Variants in FARS2 observed in about 807,000 individuals in gnomAD.
FARS2 encodes the protein phenylalanyl-tRNA synthetase 2, mitochondrial, also known as phenylalanine--tRNA ligase, mitochondrial.
FARS2 carries 40 observed loss-of-function variants against 46.4 expected under a neutral mutation model. The observed-to-expected ratio is 0.86, with a 90% CI of 0.67 to 1.12. The LOEUF (loss-of-function observed/expected upper bound fraction) is 1.12. Among genes scored for constraint, FARS2 ranks in the 50% most tolerant of loss-of-function variants. The probability of loss-of-function intolerance (pLI) is 0.00; values close to 1 mark genes in which losing one functional copy is unlikely to be tolerated. For synonymous variants in FARS2, 234 were observed against 214.9 expected (o/e 1.09, Z -0.78); for missense variants, 513 against 567.9 (o/e 0.90, Z 0.98).
At chr6:5,436,906 T>G (rs1241839562) in intron 4 of FARS2, among the ~76,000 whole-genome samples, 2 of 152,242 alleles carry the variant, frequency 1.3e-5, no homozygotes, top group East Asian at 1.9e-4. Flanking sequence ...CCAATTTTTT[T>G]GGGATATAAT....
intron 6 of FARS2, among the ~76,000 whole-genome samples, chr6:5,677,674 G>A (rs1298833485): frequency 1.3e-5 from 2 of 152,220 alleles, no homozygotes; most frequent in East Asian, 3.8e-4. Flanking sequence ...GCAAGGGGCT[G>A]TAGTCAAAGA....
At chr6:5,571,756 T>C (rs1317750380) in intron 5 of FARS2, among the ~76,000 whole-genome samples, 1 of 152,222 alleles carries the variant, frequency 6.6e-6, no homozygotes, top group Non-Finnish European at 1.5e-5. Flanking sequence ...GCCACCTTTC[T>C]TTTATCAGAA....
chr6:5,269,082 C>G (rs540498007), intron 1 of FARS2, among the ~76,000 whole-genome samples: 122 of 152,286 alleles, frequency 8.0e-4, no homozygotes, highest in African/African-American at 2.8e-3. Flanking sequence ...AGACTTGGAA[C>G]CAACCCAAAT....
At position 5,741,634 on chromosome 6, in the gene FARS2, A is replaced by G. The variant is rs967066881; in HGVS notation, c.1218-29657A>G. On this transcript the variant is annotated intron_variant, in intron 6 of 6. Transcript: ENST00000274680. Reference sequence around the variant, plus strand: ...CCTCCTGGCCTGGCTGCGCTGAAGGACTTCTTTTTGTTTTTTCCTGTTGTT... The same window carrying G: ...CCTCCTGGCCTGGCTGCGCTGAAGGGCTTCTTTTTGTTTTTTCCTGTTGTT... 1.1e-4 allele frequency among the ~76,000 whole-genome samples: 17 copies of G among 152,070 alleles called. 1 individual carries two copies. Among genetic ancestry groups the G allele is most frequent in the Admixed American group, 9.2e-4 (14 of 15,280 alleles).
At chr6:5,428,013 T>C (rs1762944851) in intron 3 of FARS2, among the ~76,000 whole-genome samples, 1 of 152,232 alleles carries the variant, frequency 6.6e-6, no homozygotes, top group South Asian at 2.1e-4. Context: ...TATCCTTGTG[T>C]TGTGCTGACG....
chr6:5,502,655 C>T (rs1459605034), intron 4 of FARS2, among the ~76,000 whole-genome samples: 2 of 152,186 alleles, frequency 1.3e-5, no homozygotes, highest in South Asian at 2.1e-4. Context: ...AAACACAATG[C>T]AGCATTTTTG....
At chr6:5,362,858 C>T (rs538618045) in intron 1 of FARS2, among the ~76,000 whole-genome samples, 19 of 151,596 alleles carry the variant, frequency 1.3e-4, no homozygotes, top group African/African-American at 4.4e-4. Context: ...TTTCACATAC[C>T]TATTGACCAT....
At chr6:5,458,530 T>C (rs1765043863) in intron 4 of FARS2, among the ~76,000 whole-genome samples, 1 of 152,126 alleles carries the variant, frequency 6.6e-6, no homozygotes, top group Non-Finnish European at 1.5e-5. Flanking sequence ...AGTGAATTAT[T>C]AAGAGCATAA....
intron 6 of FARS2, among the ~76,000 whole-genome samples, chr6:5,684,519 G>C (rs1757030561): frequency 6.6e-6 from 1 of 152,174 alleles, no homozygotes; most frequent in African/African-American, 2.4e-5. Context: ...GTTAGCAAAT[G>C]CTGCGCTTTA....
chr6:5,277,852 C>T (rs1310989390), intron 1 of FARS2, among the ~76,000 whole-genome samples: 1 of 152,146 alleles, frequency 6.6e-6, no homozygotes, highest in Non-Finnish European at 1.5e-5. Flanking sequence ...TCCATTTTCA[C>T]TGCCCCCGAC....
Position 5,292,436 on chromosome 6 carries a change from G to C in FARS2, c.-22+30776G>C, listed in dbSNP as rs150253425. On this transcript the variant is annotated intron_variant, in intron 1 of 6. Coordinates refer to ENST00000274680, the MANE Select transcript of FARS2 (RefSeq NM_006567.5). ...ATGAAGTCTTGAACTGTCAGCAATA[G>C]ACAAAATGGAGAGATGGACAAATGC... Among the ~76,000 whole-genome samples, 636 of 152,290 alleles carry C rather than the reference G, an allele frequency of 4.2e-3. 1 individual carries two copies. The highest frequency in any genetic ancestry group is 0.014 in the African/African-American group (600 of 41,550).
intron 4 of FARS2, among the ~76,000 whole-genome samples, chr6:5,524,057 A>G (rs751835428): frequency 3.7e-4 from 57 of 152,350 alleles, no homozygotes; most frequent in African/African-American, 1.2e-3. Flanking sequence ...ACTGTTTCAC[A>G]GTCTGCCCAG....
At chr6:5,500,059 G>A (rs566393919) in intron 4 of FARS2, among the ~76,000 whole-genome samples, 1 of 152,312 alleles carries the variant, frequency 6.6e-6, no homozygotes, top group East Asian at 1.9e-4. Context: ...TTCCAAATGT[G>A]TTGTTTTATG....
intron 2 of FARS2, among the ~76,000 whole-genome samples, chr6:5,386,284 G>A (rs59355030): frequency 0.021 from 3,137 of 152,318 alleles, 51 homozygotes; most frequent in East Asian, 0.063. Context: ...CCCGGAATGT[G>A]TAGTGTGGAG....
At chr6:5,692,756 A>G (rs760674) in intron 6 of FARS2, among the ~76,000 whole-genome samples, 145,830 of 152,338 alleles carry the variant, frequency 0.96, 69,876 homozygotes, top group African/African-American at 0.99. Context: ...TGAATTTGTA[A>G]CCTGTGAACA....
intron 1 of FARS2, among the ~76,000 whole-genome samples, chr6:5,269,676 A>T (rs2127821359): frequency 6.6e-6 from 1 of 152,302 alleles, no homozygotes; most frequent in East Asian, 1.9e-4. Flanking sequence ...GAGTCTGTTT[A>T]CAAAAAACAG....
rs573491835 is a variant in FARS2, at chr6:5,546,283, A to G, written c.1065+943A>G. ...TTTTTTTTTTTTTTTTTTAGACAGA[A>G]TCTCACTCTGTCGCCTGGGCTGGAG... On this transcript the variant is annotated intron_variant, in intron 5 of 6. Coordinates refer to ENST00000274680, the MANE Select transcript of FARS2 (RefSeq NM_006567.5). Among the ~76,000 whole-genome samples, 167 of 142,176 alleles carry G rather than the reference A, an allele frequency of 1.2e-3. 1 individual carries two copies. In the South Asian group the frequency reaches 0.017, roughly 14 times the overall value. 93.3% of individuals were successfully genotyped at this position (142,176 alleles called of 152,430 possible). A position where few individuals can be genotyped will look rare whatever the true frequency, so the allele number is the denominator to read the frequency against.
chr6:5,505,018 G>T (rs1301901291), intron 4 of FARS2, among the ~76,000 whole-genome samples: 5 of 152,106 alleles, frequency 3.3e-5, no homozygotes, highest in African/African-American at 4.8e-5. Flanking sequence ...TTCTGAATAA[G>T]AGTGATTATA....
intron 6 of FARS2, among the ~76,000 whole-genome samples, chr6:5,642,592 GGAA>G (rs1313861177): frequency 3.3e-5 from 5 of 152,034 alleles, no homozygotes; most frequent in African/African-American, 7.2e-5. Context: ...CAGCATCTCA[GGAA>G]GAAGAATGGA....
Sources: allele counts gnomAD v4.1 joint callset (sites outside exome capture counted in the v4.1 genomes callset), GRCh38; gene constraint gnomAD v4.1.1; transcripts MANE v1.5; gene names NCBI Gene and HGNC (gene_info 2026-07-23, HGNC 2026-07-21).